Variants in ERG observed in about 807,000 individuals in gnomAD.
ERG encodes the protein ETS transcription factor ERG, also known as transcriptional regulator ERG.
A neutral mutation model predicts 55.3 loss-of-function variants in ERG; 9 were observed. That is an observed-to-expected ratio of 0.16 (90% CI 0.10 to 0.28). ERG has a LOEUF of 0.28. Among genes scored for constraint, ERG ranks in the 10% least tolerant of loss-of-function variants. The probability of loss-of-function intolerance (pLI) is 1.00; values close to 1 mark genes in which losing one functional copy is unlikely to be tolerated. For synonymous variants in ERG, 223 were observed against 237.3 expected (o/e 0.94, Z 0.55); for missense variants, 434 against 631.6 (o/e 0.69, Z 3.35).
chr21:38,545,922 CT>C, intron 2 of ERG, among the ~76,000 whole-genome samples: 1 of 152,324 alleles, frequency 6.6e-6, no homozygotes, highest in Non-Finnish European at 1.5e-5. Context: ...CGAACCAAAT[CT>C]ACAGACTTCT....
intron 2 of ERG, among the ~76,000 whole-genome samples, chr21:38,442,504 C>G (rs1266656190): frequency 6.6e-6 from 1 of 152,232 alleles, no homozygotes; most frequent in East Asian, 1.9e-4. Context: ...ACAGAAAAAC[C>G]ACCCAAGAGC....
chr21:38,507,976 GA>G (rs2059477173), intron 2 of ERG, among the ~76,000 whole-genome samples: 2 of 510 alleles, frequency 3.9e-3, no homozygotes, highest in Non-Finnish European at 7.9e-3. Context: ...CACACACACA[GA>G]GACACACAGA....
Position 38,590,107 on chromosome 21 carries a change from C to T in ERG, c.-149-5162G>A, listed in dbSNP as rs563723840. ...CTAAGAATTAGTAAATAACTATTAC[C>T]ATGATAAGTGGCCTATCTCAGTCTA... On this transcript the variant is annotated intron_variant, in intron 1 of 10. Transcript: ENST00000398910. 1.1e-4 allele frequency among the ~76,000 whole-genome samples: 17 copies of T among 152,292 alleles called. No individual in the cohort carries two copies. In the South Asian group the frequency reaches 3.5e-3, roughly 32 times the overall value.
intron 2 of ERG, among the ~76,000 whole-genome samples, chr21:38,554,875 A>T (rs750745640): frequency 1.3e-5 from 2 of 152,148 alleles, no homozygotes; most frequent in Non-Finnish European, 2.9e-5. Context: ...CACATTATAC[A>T]TCTAAAAAAT....
chr21:38,585,895 T>C (rs1022271321), upstream of ERG, among the ~76,000 whole-genome samples: 3 of 150,614 alleles, frequency 2.0e-5, no homozygotes, highest in Admixed American at 2.0e-4. Context: ...AACACATTAC[T>C]GGGGGAAAAA....
At chr21:38,525,101 AAG>A (rs986393220) in intron 2 of ERG, among the ~76,000 whole-genome samples, 107 of 152,322 alleles carry the variant, frequency 7.0e-4, no homozygotes, top group African/African-American at 2.5e-3. Flanking sequence ...TGACTACAGA[AAG>A]AGACAAGAAA....
At chr21:38,540,393 C>T (rs996887050) in intron 2 of ERG, among the ~76,000 whole-genome samples, 3 of 152,156 alleles carry the variant, frequency 2.0e-5, no homozygotes, top group South Asian at 2.1e-4. Flanking sequence ...TCCACATCAC[C>T]CCTCTTCCTA....
At chr21:38,590,280 C>G (rs1037957051) in intron 1 of ERG, among the ~76,000 whole-genome samples, 5 of 152,026 alleles carry the variant, frequency 3.3e-5, no homozygotes, top group Non-Finnish European at 7.4e-5. Context: ...AAAGATGCAG[C>G]AACAGAGCAG....
chr21:38,507,608 G>A (rs2059473384), intron 2 of ERG, among the ~76,000 whole-genome samples: 1 of 152,180 alleles, frequency 6.6e-6, no homozygotes, highest in Admixed American at 6.5e-5. Context: ...AATACTGGCT[G>A]TGTCAGTGGC....
intron 2 of ERG, among the ~76,000 whole-genome samples, chr21:38,506,030 T>TG (rs200753458): frequency 6.6e-6 from 1 of 151,758 alleles, no homozygotes; most frequent in African/African-American, 2.4e-5. Context: ...TGTTTTTTTT[T>TG]GAAAAATTTG....
intron 1 of ERG, among the ~76,000 whole-genome samples, chr21:38,580,145 G>A (rs1377394127): frequency 2.0e-5 from 3 of 151,612 alleles, no homozygotes; most frequent in African/African-American, 4.9e-5. Context: ...TAGTAGAGAC[G>A]GGGTTTCACC....
At chr21:38,639,921 A>G (rs2060413393) in intron 1 of ERG, among the ~76,000 whole-genome samples, 1 of 152,186 alleles carries the variant, frequency 6.6e-6, no homozygotes, top group Admixed American at 6.5e-5. Context: ...GAGGGCAGAG[A>G]TGCCAGGACA....
intron 1 of ERG, among the ~76,000 whole-genome samples, chr21:38,623,119 C>T (rs2146946020): frequency 6.7e-6 from 1 of 150,054 alleles, no homozygotes; most frequent in Non-Finnish European, 1.5e-5. Context: ...CTCACACGCA[C>T]ATCATGCACA....
At chr21:38,544,188 T>C (rs929217201) in intron 2 of ERG, among the ~76,000 whole-genome samples, 6 of 152,152 alleles carry the variant, frequency 3.9e-5, no homozygotes, top group African/African-American at 1.4e-4. Context: ...GGGTGAGGAA[T>C]ACCAAGAATG....
intron 1 of ERG, among the ~76,000 whole-genome samples, chr21:38,472,309 G>A (rs1162891742): frequency 2.6e-5 from 4 of 152,278 alleles, no homozygotes; most frequent in African/African-American, 9.6e-5. Flanking sequence ...TATGCAATGG[G>A]TGTTACACTA....
At chr21:38,629,649 C>T (rs1310852811) in intron 1 of ERG, among the ~76,000 whole-genome samples, 2 of 152,128 alleles carry the variant, frequency 1.3e-5, no homozygotes. Flanking sequence ...TTGTTCCATG[C>T]TGGTGGGAGC....
At chr21:38,490,433 G>T (rs2059325684) in intron 1 of ERG, among the ~76,000 whole-genome samples, 1 of 152,188 alleles carries the variant, frequency 6.6e-6, no homozygotes, top group South Asian at 2.1e-4. Flanking sequence ...CTGTGAAGTA[G>T]GAACTATCAC....
At chr21:38,402,678 AAAG>A in intron 4 of ERG, 41 bp from the exon 5 acceptor site, 9 of 1,181,622 alleles carry the variant, frequency 7.6e-6, no homozygotes, top group South Asian at 1.4e-5. Flanking sequence ...ATGAAAAAAA[AAAG>A]AGAGAGAGAG....
intron 1 of ERG, among the ~76,000 whole-genome samples, chr21:38,597,201 C>T (rs896356007): frequency 6.6e-6 from 1 of 152,132 alleles, no homozygotes; most frequent in African/African-American, 2.4e-5. Flanking sequence ...TATCTATCAT[C>T]CATCTGAATC....
Sources: allele counts gnomAD v4.1 joint callset (sites outside exome capture counted in the v4.1 genomes callset), GRCh38; gene constraint gnomAD v4.1.1; transcripts MANE v1.5; gene names NCBI Gene and HGNC (gene_info 2026-07-23, HGNC 2026-07-21).